PCF11: variants seen among roughly 807,000 people sequenced by gnomAD.
The protein encoded by PCF11 is pre-mRNA cleavage complex 2 protein Pcf11.
PCF11 carries 19 observed loss-of-function variants against 166.1 expected under a neutral mutation model. The ratio of observed to expected loss-of-function variants is 0.11; its 90% CI spans 0.08 to 0.17. The LOEUF (loss-of-function observed/expected upper bound fraction) is 0.17, where lower values mean the gene tolerates loss of function less well. PCF11 is among the 10% of genes least tolerant of loss of function. The probability of loss-of-function intolerance (pLI) is 1.00; values close to 1 mark genes in which losing one functional copy is unlikely to be tolerated. For synonymous variants in PCF11, 663 were observed against 644.1 expected (o/e 1.03, Z -0.44); for missense variants, 1,565 against 1,855.5 (o/e 0.84, Z 2.88).
intron 11 of PCF11, chr11:83,180,299 G>T (rs1397211683): frequency 6.6e-6 from 1 of 151,824 alleles, no homozygotes; most frequent in Non-Finnish European, 1.5e-5. Context: ...CGTTGGTCAG[G>T]TTGGTCTTGA....
At chr11:83,165,840 A>G (rs1410512410) in exon 5 of PCF11, 2 of 1,608,984 alleles carry the variant, frequency 1.2e-6, no homozygotes, top group Non-Finnish European at 8.5e-7. Flanking sequence ...GAGTCACAGG[A>G]AAGAATTTCT....
intron 11 of PCF11, 105 bp downstream of exon 11, chr11:83,177,924 T>A (rs1860943029): frequency 6.8e-6 from 3 of 443,068 alleles, no homozygotes; most frequent in Non-Finnish European, 8.0e-6. Context: ...TTATCCCTTT[T>A]ACTGTTTTAA....
At chr11:83,181,254 ATTAATTTTAATAATTATTAAAAT>A in intron 12 of PCF11, 63 bp downstream of exon 12, 1 of 547,152 alleles carries the variant, frequency 1.8e-6, no homozygotes, top group Admixed American at 4.5e-5. Flanking sequence ...CTAAAAGTAT[ATTAATTTTAATAATTATTAAAAT>A]TTAATTTTAA....
At chr11:83,164,174 C>G (rs17144685) in intron 3 of PCF11, 33 bp from the exon 4 acceptor site, 8 of 1,515,948 alleles carry the variant, frequency 5.3e-6, no homozygotes, top group East Asian at 2.3e-5. Flanking sequence ...TTAGCTGATA[C>G]GTTTTTCTTA....
intron 1 of PCF11, chr11:83,157,856 A>T (rs904849194): frequency 8.8e-6 from 5 of 569,134 alleles, no homozygotes; most frequent in Non-Finnish European, 1.6e-5. Flanking sequence ...TCCGCTTTCC[A>T]ACTCCCTTTT....
intron 8 of PCF11, 48 bp downstream of exon 8, chr11:83,170,043 T>C: frequency 7.0e-7 from 1 of 1,438,078 alleles, no homozygotes; most frequent in Non-Finnish European, 9.2e-7. Context: ...AAGTTAACCA[T>C]TTTTTAATGT....
chr11:83,186,457 G>A (rs1263637525), exon 16 of PCF11: 1 of 152,180 alleles, frequency 6.6e-6, no homozygotes, highest in African/African-American at 2.4e-5. Context: ...GGCTGGTTTC[G>A]AATTCCTGGG....
intron 4 of PCF11, among the ~76,000 whole-genome samples, 171 bp downstream of exon 4, chr11:83,164,572 G>A (rs1860379399): frequency 1.3e-5 from 2 of 151,776 alleles, no homozygotes; most frequent in Non-Finnish European, 2.9e-5. Flanking sequence ...TATCTTTATT[G>A]TAAAATTCAC....
chr11:83,168,529 A>G (rs1300708762), exon 8 of PCF11: 2 of 1,613,946 alleles, frequency 1.2e-6, no homozygotes, highest in Non-Finnish European at 1.7e-6. Context: ...TCCAGCATCA[A>G]GATTCGCCGG....
At chr11:83,165,667 A>G in exon 5 of PCF11, 1 of 1,613,708 alleles carries the variant, frequency 6.2e-7, no homozygotes, top group Middle Eastern at 1.6e-4. Flanking sequence ...TCCAAATTAC[A>G]TGTTTCACAG....
At chr11:83,164,769 C>T (rs980639256) in intron 4 of PCF11, among the ~76,000 whole-genome samples, 14 of 151,742 alleles carry the variant, frequency 9.2e-5, no homozygotes, top group Admixed American at 7.2e-4. Flanking sequence ...CCCAGCTACT[C>T]GAGAGGCTGA....
rs755165870 is a variant in PCF11, at chr11:83,165,968, T to C, written c.1071T>C (p.Leu357=). Residue 357 remains leucine, a synonymous_variant, in exon 5 of 16, where the codon CTT becomes CTC. Coordinates refer to ENST00000298281, the Ensembl canonical transcript of PCF11. ...GTGAAAAAATAACCAAGAAAGAACT[T>C]GACCAATTAGATTCTAAATCGAAAT... The C allele has an allele frequency of 6.2e-6, 10 of 1,601,564 alleles. No homozygotes were observed. The Admixed American group carries it at 1.4e-4, about 23-fold the overall frequency.
chr11:83,158,982 T>A (rs1410608588), intron 1 of PCF11: 2 of 152,238 alleles, frequency 1.3e-5, no homozygotes, highest in African/African-American at 4.8e-5. Flanking sequence ...TTAAGTGACT[T>A]GGGTTCATTC....
At position 83,166,625 on chromosome 11, in the gene PCF11, G is replaced by A. The variant is rs746868205; in HGVS notation, c.1728G>A (p.Lys576=). The A allele has an allele frequency of 5.6e-6, 9 of 1,613,394 alleles. No individual in the cohort carries two copies. The South Asian group carries it at 6.6e-5, about 12-fold the overall frequency. The change falls in exon 5 of 16, where the codon AAG becomes AAA. Residue 576 remains lysine (K), a synonymous_variant. Coordinates refer to ENST00000298281, the Ensembl canonical transcript of PCF11. ...AAACTACAAATCAGCATTCTACAAA[G>A]TCAGGCACTGAACCAAAGGAGAATG...
At chr11:83,181,237 T>C (rs762127246) in intron 12 of PCF11, 46 bp downstream of exon 12, 1 of 817,940 alleles carries the variant, frequency 1.2e-6, no homozygotes, top group South Asian at 3.3e-5. Flanking sequence ...GCTTAAATTA[T>C]ATCATTCTAA....
In PCF11 at chr11:83,167,405, C is replaced by G; in HGVS notation, c.2002-10C>G. On this transcript the variant is annotated splice_polypyrimidine_tract_variant and intron_variant, in intron 6 of 15. Coordinates refer to ENST00000298281, the Ensembl canonical transcript of PCF11. The surrounding 1 kb of genome is among the most constrained non-coding windows in gnomAD (Gnocchi z 4.2). ...AAAATATTTTATTTCCTTTTATCACCCCTATACAGACGAGTGAACGTTTAG... is the reference window on the plus strand; with the variant it reads ...AAAATATTTTATTTCCTTTTATCACGCCTATACAGACGAGTGAACGTTTAG... The G allele has an allele frequency of 6.3e-7, 1 of 1,583,908 alleles. No homozygotes were observed. Among genetic ancestry groups the G allele is most frequent in the Non-Finnish European group, 8.6e-7 (1 of 1,168,472 alleles).
chr11:83,165,551 A>T, intron 4 of PCF11, 49 bp from the exon 5 acceptor site: 1 of 1,460,178 alleles, frequency 6.8e-7, no homozygotes. Context: ...ATTTCTTGAC[A>T]ATCTGCATGT....
chr11:83,160,082 A>G (rs992764047), intron 1 of PCF11, among the ~76,000 whole-genome samples: 4 of 151,978 alleles, frequency 2.6e-5, no homozygotes, highest in Non-Finnish European at 5.9e-5. Context: ...ACAGTACCTT[A>G]AAAGAAATTT....
intron 11 of PCF11, among the ~76,000 whole-genome samples, chr11:83,178,279 C>G (rs2135441906): frequency 1.3e-5 from 2 of 152,082 alleles, no homozygotes; most frequent in South Asian, 4.2e-4. Flanking sequence ...CTTGGCCTCC[C>G]AAAGTGCTGG....
Sources: gnomAD v4.1 joint callset for allele counts (sites outside exome capture counted in the v4.1 genomes callset) on GRCh38, gnomAD v4.1.1 for gene constraint, Gnocchi (gnomAD v3.1) non-coding constraint, MANE v1.5 for transcripts, NCBI Gene and HGNC (gene_info 2026-07-23, HGNC 2026-07-21) for gene names.